Variants in KIF13A observed in about 807,000 individuals in gnomAD.
The protein encoded by KIF13A is kinesin-like protein KIF13A.
A neutral mutation model predicts 212.2 loss-of-function variants in KIF13A; 79 were observed. That is an observed-to-expected ratio of 0.37 (90% CI 0.31 to 0.45). The LOEUF (loss-of-function observed/expected upper bound fraction) is 0.45, where lower values mean the gene tolerates loss of function less well. Ranked by LOEUF, KIF13A falls within the 20% of genes least tolerant of loss-of-function variation. The pLI is 1.00. For synonymous variants in KIF13A, 789 were observed against 808.6 expected (o/e 0.98, Z 0.41); for missense variants, 1,901 against 2,209.0 (o/e 0.86, Z 2.79).
At chr6:17,779,519 G>A (rs191687455) in intron 32 of KIF13A, 73 bp downstream of exon 32, 67 of 627,762 alleles carry the variant, frequency 1.1e-4, no homozygotes, top group African/African-American at 8.1e-4. Context: ...TGATCCACCC[G>A]CCTCGGCCTC....
At chr6:17,796,914 T>C (rs1374202619) in intron 22 of KIF13A, 94 bp from the exon 23 acceptor site, 5 of 718,088 alleles carry the variant, frequency 7.0e-6, no homozygotes, top group African/African-American at 5.5e-5. Flanking sequence ...TTTTAGAGTA[T>C]ATTAGCCTGA....
intron 12 of KIF13A, among the ~76,000 whole-genome samples, chr6:17,833,389 G>C (rs992595456): frequency 3.3e-5 from 5 of 151,730 alleles, no homozygotes; most frequent in Non-Finnish European, 4.4e-5. Flanking sequence ...CAGCTACTTG[G>C]GGGGACTGAG....
In KIF13A at chr6:17,809,902, G is replaced by A. The variant is rs531483581; in HGVS notation, c.2001-972C>T. Among the ~76,000 whole-genome samples, 24 of 152,078 alleles carry A rather than the reference G, an allele frequency of 1.6e-4. No homozygotes were observed. The highest frequency in any genetic ancestry group is 2.9e-4 in the Non-Finnish European group (20 of 68,012). On this transcript the variant is annotated intron_variant, in intron 17 of 38. Transcript: ENST00000259711. The surrounding 1 kb of genome is among the most constrained non-coding windows in gnomAD (Gnocchi z 4.7). Reference sequence around the variant, plus strand: ...AAATGACAGAAGACGCATGCTGTGCGGATGCTAAGGTAAACAAAACAGTTT... The same window carrying A: ...AAATGACAGAAGACGCATGCTGTGCAGATGCTAAGGTAAACAAAACAGTTT...
In KIF13A at chr6:17,826,515, C is replaced by A. The variant is rs1451014908; in HGVS notation, c.1533-391G>T. ...GTGAGCAAAATCCTGACTGTGGGAACCTCTAGGATCAACAATGAGGTGACT... is the reference window on the plus strand; with the variant it reads ...GTGAGCAAAATCCTGACTGTGGGAAACTCTAGGATCAACAATGAGGTGACT... On this transcript the variant is annotated intron_variant, in intron 14 of 38. Coordinates refer to ENST00000259711, the MANE Select transcript of KIF13A (RefSeq NM_022113.6). The surrounding 1 kb of genome is among the most constrained non-coding windows in gnomAD (Gnocchi z 4.7). Among the ~76,000 whole-genome samples the A allele has an allele frequency of 6.6e-6, 1 of 151,976 alleles. No individual in the cohort carries two copies. Among genetic ancestry groups the A allele is most frequent in the Non-Finnish European group, 1.5e-5 (1 of 68,002 alleles).
At chr6:17,797,784 G>C (rs1222413701) in intron 22 of KIF13A, among the ~76,000 whole-genome samples, 1 of 152,182 alleles carries the variant, frequency 6.6e-6, no homozygotes, top group African/African-American at 2.4e-5. Context: ...TGTAGTCCCA[G>C]CTACTCAGGA....
chr6:17,939,856 C>T (rs1445405695), intron 2 of KIF13A, among the ~76,000 whole-genome samples: 6 of 151,678 alleles, frequency 4.0e-5, no homozygotes, highest in East Asian at 1.9e-4. Context: ...ATTGAGACCA[C>T]GGTGAAACCC....
At chr6:17,863,607 T>C (rs1174171395) in intron 4 of KIF13A, among the ~76,000 whole-genome samples, 1 of 152,032 alleles carries the variant, frequency 6.6e-6, no homozygotes, top group South Asian at 2.1e-4. Flanking sequence ...GGCCAAATTG[T>C]CAACCAAAGC....
At chr6:17,954,127 G>A (rs1778128757) in intron 2 of KIF13A, among the ~76,000 whole-genome samples, 1 of 151,894 alleles carries the variant, frequency 6.6e-6, no homozygotes, top group Non-Finnish European at 1.5e-5. Flanking sequence ...GTGAAACCCT[G>A]TCCCTGCTAA....
In KIF13A at chr6:17,920,202, G is replaced by T. The variant is rs1425710798; in HGVS notation, c.147-22022C>A. On this transcript the variant is annotated intron_variant, in intron 2 of 38. Coordinates refer to ENST00000259711, the MANE Select transcript of KIF13A (RefSeq NM_022113.6). Reference sequence around the variant, plus strand: ...GGCACGAAATGAAAAGGTGCAACTGGGTATGCCCAAATCAGCAGGCCTCAA... The same window carrying T: ...GGCACGAAATGAAAAGGTGCAACTGTGTATGCCCAAATCAGCAGGCCTCAA... Among the ~76,000 whole-genome samples, 3 of 151,994 alleles carry T rather than the reference G, an allele frequency of 2.0e-5. No homozygotes were observed. The East Asian group carries it at 5.8e-4, about 29-fold the overall frequency.
At chr6:17,937,443 A>C (rs1776565349) in intron 2 of KIF13A, among the ~76,000 whole-genome samples, 1 of 152,200 alleles carries the variant, frequency 6.6e-6, no homozygotes, top group African/African-American at 2.4e-5. Context: ...TAACTGTCTG[A>C]GTAAAACTTG....
At chr6:17,905,731 G>A (rs1220356613) in intron 2 of KIF13A, among the ~76,000 whole-genome samples, 2 of 152,098 alleles carry the variant, frequency 1.3e-5, no homozygotes, top group African/African-American at 4.8e-5. Context: ...TCCCAATAGG[G>A]GGAATCATCT....
rs905916542 is a variant in KIF13A, at chr6:17,982,152, A to G, written c.146+4902T>C. 1.3e-5 allele frequency among the ~76,000 whole-genome samples: 2 copies of G among 151,924 alleles called. No individual in the cohort carries two copies. Among genetic ancestry groups the G allele is most frequent in the Admixed American group, 6.6e-5 (1 of 15,250 alleles). ...CTCTTGTTGCTCAGGCTAGAGTGCAATGGCTCGATCTCAGCTCACCGCAAC... is the reference window on the plus strand; with the variant it reads ...CTCTTGTTGCTCAGGCTAGAGTGCAGTGGCTCGATCTCAGCTCACCGCAAC... On this transcript the variant is annotated intron_variant, in intron 2 of 38. Coordinates refer to ENST00000259711, the MANE Select transcript of KIF13A (RefSeq NM_022113.6). The surrounding 1 kb of genome is among the most constrained non-coding windows in gnomAD (Gnocchi z 5.1).
chr6:17,817,638 T>A (rs1764068629), intron 16 of KIF13A, among the ~76,000 whole-genome samples: 1 of 152,224 alleles, frequency 6.6e-6, no homozygotes, highest in Non-Finnish European at 1.5e-5. Flanking sequence ...TTATGGTAAT[T>A]CATTTCTATG....
chr6:17,938,861 T>C (rs76076056), intron 2 of KIF13A, among the ~76,000 whole-genome samples: 2 of 151,780 alleles, frequency 1.3e-5, no homozygotes, highest in Non-Finnish European at 2.9e-5. Flanking sequence ...AAAAGTTGTG[T>C]TGTTATATAA....
chr6:17,902,865 A>G (rs1773168241), intron 2 of KIF13A, among the ~76,000 whole-genome samples: 1 of 152,196 alleles, frequency 6.6e-6, no homozygotes. Flanking sequence ...CCTGTCCCCA[A>G]TCCCATCTAT....
intron 2 of KIF13A, among the ~76,000 whole-genome samples, chr6:17,978,441 T>G (rs1780776680): frequency 6.6e-6 from 1 of 152,206 alleles, no homozygotes; most frequent in Non-Finnish European, 1.5e-5. Flanking sequence ...TTAATACCTG[T>G]TTTCATCTAA....
chr6:17,837,111 C>T lies in KIF13A; in HGVS notation c.943-21G>A, dbSNP rs1456395290. 3 of 1,605,488 alleles carry T rather than the reference C, an allele frequency of 1.9e-6. No individual in the cohort carries two copies. Among genetic ancestry groups the T allele is most frequent in the Middle Eastern group, 1.8e-4 (1 of 5,668 alleles). Reference sequence around the variant, plus strand: ...TTGTCCTGCCAAGTATTTCAAACAGCATCTTAGGAAGCCCATTCCATGGAC... The same window carrying T: ...TTGTCCTGCCAAGTATTTCAAACAGTATCTTAGGAAGCCCATTCCATGGAC... On this transcript the variant is annotated intron_variant, in intron 10 of 38. Coordinates refer to ENST00000259711, the MANE Select transcript of KIF13A (RefSeq NM_022113.6). This position sits in a 1 kb window ranked among gnomAD's most constrained non-coding sequence, Gnocchi z 5.4.
chr6:17,864,578 T>G (rs1052308563), intron 4 of KIF13A, among the ~76,000 whole-genome samples: 14 of 152,192 alleles, frequency 9.2e-5, no homozygotes, highest in Non-Finnish European at 1.6e-4. Flanking sequence ...AGCCTCTAAC[T>G]CCTCGAGGTT....
At chr6:17,904,798 G>C (rs1161657635) in intron 2 of KIF13A, among the ~76,000 whole-genome samples, 2 of 152,242 alleles carry the variant, frequency 1.3e-5, no homozygotes, top group Admixed American at 6.5e-5. Flanking sequence ...TACGACGTGT[G>C]TGATCAGAGA....
Sources: gnomAD v4.1 joint callset for allele counts (sites outside exome capture counted in the v4.1 genomes callset) on GRCh38, gnomAD v4.1.1 for gene constraint, Gnocchi (gnomAD v3.1) non-coding constraint, MANE v1.5 for transcripts, NCBI Gene and HGNC (gene_info 2026-07-23, HGNC 2026-07-21) for gene names.